Variants in KCNAB3 observed in about 807,000 individuals in gnomAD.
KCNAB3 encodes the protein voltage-gated potassium channel subunit beta-3.
A neutral mutation model predicts 67.7 loss-of-function variants in KCNAB3; 62 were observed. That is an observed-to-expected ratio of 0.92 (90% CI 0.75 to 1.13). KCNAB3 has a LOEUF of 1.13. KCNAB3 is among the 50% of genes most tolerant of loss of function. The pLI, the probability that KCNAB3 is intolerant of heterozygous loss-of-function variation, is 0.00. For synonymous variants in KCNAB3, 212 were observed against 205.4 expected (o/e 1.03, Z -0.27); for missense variants, 514 against 522.9 (o/e 0.98, Z 0.17).
intron 6 of KCNAB3, 26 bp downstream of exon 6, chr17:7,925,905 A>G (rs1279166788): frequency 1.3e-6 from 2 of 1,568,308 alleles, no homozygotes; most frequent in East Asian, 2.3e-5. Context: ...GGCCTTCTCC[A>G]CAATCGCAGT....
chr17:7,921,889 A>T lies in KCNAB3; in HGVS notation c.*1213T>A, dbSNP rs1262019183. ...CTAATATTACTTTAAATACAAACAA[A>T]TAAAGGCAGATAGCTAAGTCTTTCA... On this transcript the variant is annotated 3_prime_UTR_variant, in exon 14 of 14. Transcript: ENST00000303790. 6.6e-6 allele frequency: 1 copy of T among 152,192 alleles called. No individual in the cohort carries two copies. Among genetic ancestry groups the T allele is most frequent in the Non-Finnish European group, 1.5e-5 (1 of 68,038 alleles). The allele number at this position is 152,192 out of a possible 1,614,324, so 9.4% of individuals were successfully genotyped here. A position where few individuals can be genotyped will look rare whatever the true frequency, so the allele number is the denominator to read the frequency against.
In KCNAB3 at chr17:7,929,015, G is replaced by C; in HGVS notation, c.242+179C>G. On this transcript the variant is annotated intron_variant, in intron 1 of 13. Transcript: ENST00000303790. The surrounding 1 kb of genome is among the most constrained non-coding windows in gnomAD (Gnocchi z 5.7). ...TGGTAAACTTGATTCTCGTAGTCAG[G>C]GGTATCGACAGAAACCAAGAGAGGG... The C allele has an allele frequency of 1.0e-6, 1 of 969,910 alleles. No individual in the cohort carries two copies. Among genetic ancestry groups the C allele is most frequent in the Non-Finnish European group, 1.5e-6 (1 of 668,146 alleles). The allele number at this position is 969,910 out of a possible 1,614,324, so 60.1% of individuals were successfully genotyped here.
Position 7,929,478 on chromosome 17 carries a change from A to AGGGGG in KCNAB3, c.-48_-44dup, listed in dbSNP as rs1598040087. On this transcript the variant is annotated 5_prime_UTR_variant, in exon 1 of 14. Transcript: ENST00000303790. The surrounding 1 kb of genome is among the most constrained non-coding windows in gnomAD (Gnocchi z 5.7). The stretch of plus-strand genomic sequence containing the variant: ...GGGGAGGGGGCTCCGAGGGGACGGG[A>AGGGGG]GGGGGGAGCAGGGAAGCCCGAGGGC... The AGGGGG allele has an allele frequency of 1.5e-5, 16 of 1,097,124 alleles. No individual in the cohort carries two copies. The Admixed American group carries it at 3.2e-4, about 22-fold the overall frequency. 68.0% of individuals were successfully genotyped at this position (1,097,124 alleles called of 1,614,324 possible).
chr17:7,922,922 T>A lies in KCNAB3; in HGVS notation c.*180A>T. ...GTGCTACTTTCTCTCTCGACCCCAC[T>A]GCAAAAGGATATGGCTTTGTTCATG... On this transcript the variant is annotated 3_prime_UTR_variant, in exon 14 of 14. Coordinates refer to ENST00000303790, the MANE Select transcript of KCNAB3 (RefSeq NM_004732.4). 1.6e-6 allele frequency: 1 copy of A among 619,548 alleles called. No homozygotes were observed. The highest frequency in any genetic ancestry group is 2.9e-6 in the Non-Finnish European group (1 of 344,366). 38.4% of individuals were successfully genotyped at this position (619,548 alleles called of 1,614,324 possible).
At position 7,929,319 on chromosome 17, in the gene KCNAB3, C is replaced by T. The variant is rs377750813; in HGVS notation, c.117G>A (p.Gly39=). 1.0e-4 allele frequency: 158 copies of T among 1,554,150 alleles called. No individual in the cohort carries two copies. The African/African-American group carries it at 1.9e-3, about 18-fold the overall frequency. ...GGGNGGPAGG[G]HGNPPGGGGS... is the part of the protein sequence containing the mutation. ...CTCCACCCCCCGGAGGATTCCCGTGCCCCCCGCCGGCCGGCCCACCATTAC... is the reference window on the plus strand; with the variant it reads ...CTCCACCCCCCGGAGGATTCCCGTGTCCCCCGCCGGCCGGCCCACCATTAC... The change falls in exon 1 of 14, where the codon GGG becomes GGA. Residue 39 remains glycine, a synonymous_variant. Coordinates refer to ENST00000303790, the MANE Select transcript of KCNAB3 (RefSeq NM_004732.4). The surrounding 1 kb of genome is among the most constrained non-coding windows in gnomAD (Gnocchi z 5.7).
At chr17:7,927,045 G>A (rs1972255806) in intron 4 of KCNAB3, 3 of 369,486 alleles carry the variant, frequency 8.1e-6, no homozygotes, top group Non-Finnish European at 1.5e-5. Flanking sequence ...CCTGCTCCTA[G>A]TGTGAAACGG....
chr17:7,929,629 G>T lies in KCNAB3; in HGVS notation c.-194C>A, dbSNP rs1389171436. On this transcript the variant is annotated 5_prime_UTR_variant, in exon 1 of 14. Transcript: ENST00000303790. This position sits in a 1 kb window ranked among gnomAD's most constrained non-coding sequence, Gnocchi z 5.7. ...TGCTGGAGGTCGCGAGGTTTGCGGCGGGAGGGAAGAAACGTGGGGGGCGCC... is the reference window on the plus strand; with the variant it reads ...TGCTGGAGGTCGCGAGGTTTGCGGCTGGAGGGAAGAAACGTGGGGGGCGCC... 3 of 1,429,908 alleles carry T rather than the reference G, an allele frequency of 2.1e-6. No homozygotes were observed. The Admixed American group carries it at 8.8e-5, about 42-fold the overall frequency. 88.6% of individuals were successfully genotyped at this position (1,429,908 alleles called of 1,614,324 possible).
chr17:7,929,507 C>A lies in KCNAB3; in HGVS notation c.-72G>T. 6.5e-7 allele frequency: 1 copy of A among 1,529,020 alleles called. No homozygotes were observed. The highest frequency in any genetic ancestry group is 8.8e-7 in the Non-Finnish European group (1 of 1,139,498). The allele number at this position is 1,529,020 out of a possible 1,614,324, so 94.7% of individuals were successfully genotyped here. The stretch of plus-strand genomic sequence containing the variant: ...GGGAGCAGGGAAGCCCGAGGGCTGA[C>A]GACCGGGGGCGTAGTGGGGCGAACC... On this transcript the variant is annotated 5_prime_UTR_variant, in exon 1 of 14. Coordinates refer to ENST00000303790, the MANE Select transcript of KCNAB3 (RefSeq NM_004732.4). This position sits in a 1 kb window ranked among gnomAD's most constrained non-coding sequence, Gnocchi z 5.7.
Position 7,924,199 on chromosome 17 carries a change from G to A in KCNAB3, c.778C>T (p.Leu260=). ...ATCTCCACCTTCTCCCTCTGAAACAGATGGTGCTCCGCTTGTTCACACACT... is the reference window on the plus strand; with the variant it reads ...ATCTCCACCTTCTCCCTCTGAAACAAATGGTGCTCCGCTTGTTCACACACT... ...PPVCEQAEHH[L]FQREKVEMQL... Residue 260 remains leucine (L), a synonymous_variant, in exon 10 of 14, where the codon CTG becomes TTG. Coordinates refer to ENST00000303790, the MANE Select transcript of KCNAB3 (RefSeq NM_004732.4). 1 of 1,614,252 alleles carries A rather than the reference G, an allele frequency of 6.2e-7. No homozygotes were observed. The highest frequency in any genetic ancestry group is 1.7e-5 in the Admixed American group (1 of 60,026).
intron 4 of KCNAB3, 48 bp from the exon 5 acceptor site, chr17:7,926,151 A>G (rs758628176): frequency 1.1e-5 from 18 of 1,605,620 alleles, no homozygotes; most frequent in Non-Finnish European, 1.4e-5. Flanking sequence ...AGGCCAATCA[A>G]TTCCTTCCTC....
In KCNAB3 at chr17:7,927,961, A is replaced by G. The variant is rs1228156153; in HGVS notation, c.243-135T>C. On this transcript the variant is annotated intron_variant, in intron 1 of 13. Transcript: ENST00000303790. ...CAAAGAAATTAGACCCAGTGGGCCT[A>G]TAAGATTGGGCAAGTGCTATCTCCA... The G allele has an allele frequency of 3.9e-6, 4 of 1,036,410 alleles. No homozygotes were observed. The African/African-American group carries it at 6.4e-5, about 16-fold the overall frequency. 64.2% of individuals were successfully genotyped at this position (1,036,410 alleles called of 1,614,324 possible). A position where few individuals can be genotyped will look rare whatever the true frequency, so the allele number is the denominator to read the frequency against.
chr17:7,928,363 A>G (rs905279746), intron 1 of KCNAB3: 9 of 170,222 alleles, frequency 5.3e-5, no homozygotes, highest in Non-Finnish European at 7.6e-5. Flanking sequence ...GGGAGGGGGG[A>G]GAGTAAGACA....
chr17:7,924,615 AAGTT>A, intron 8 of KCNAB3, 115 bp from the exon 9 acceptor site: 2 of 1,440,788 alleles, frequency 1.4e-6, no homozygotes, highest in Non-Finnish European at 1.8e-6. Flanking sequence ...GGAGTCATGA[AAGTT>A]AATATCTACT....
intron 9 of KCNAB3, 21 bp from the exon 10 acceptor site, chr17:7,924,286 A>G (rs1270617542): frequency 1.2e-6 from 2 of 1,613,838 alleles, no homozygotes; most frequent in Non-Finnish European, 1.7e-6. Flanking sequence ...GTTGGGGAAA[A>G]GAAAGTGGTC....
At position 7,922,563 on chromosome 17, in the gene KCNAB3, G is replaced by A. The variant is rs1175683465; in HGVS notation, c.*539C>T. On this transcript the variant is annotated 3_prime_UTR_variant, in exon 14 of 14. Transcript: ENST00000303790. ...CTCCACCTCTGGGCTGGGAGGCAGG[G>A]TCCTGGTTTCCCAAAGATTATCATT... 6.3e-6 allele frequency: 1 copy of A among 158,510 alleles called. No individual in the cohort carries two copies. 9.8% of individuals were successfully genotyped at this position (158,510 alleles called of 1,614,324 possible).
Position 7,923,556 on chromosome 17 carries a change from G to A in KCNAB3, c.1049-12C>T, listed in dbSNP as rs1193953990. 6.3e-7 allele frequency: 1 copy of A among 1,593,698 alleles called. No individual in the cohort carries two copies. On this transcript the variant is annotated splice_polypyrimidine_tract_variant and intron_variant, in intron 12 of 13. Coordinates refer to ENST00000303790, the MANE Select transcript of KCNAB3 (RefSeq NM_004732.4). ...GCGGAGACACCACGCTGGGGCCAGA[G>A]GAGGAAAAAAAGAGGACTGATGGGG... is the stretch of plus-strand genomic sequence containing the variant.
chr17:7,926,348 G>A (rs1972231155), intron 4 of KCNAB3, among the ~76,000 whole-genome samples: 1 of 152,218 alleles, frequency 6.6e-6, no homozygotes, highest in Non-Finnish European at 1.5e-5. Flanking sequence ...TGCTGTGGGT[G>A]CCAAAAAGAT....
At chr17:7,926,908 A>G (rs1233505974) in intron 4 of KCNAB3, among the ~76,000 whole-genome samples, 3 of 151,580 alleles carry the variant, frequency 2.0e-5, no homozygotes, top group Non-Finnish European at 4.4e-5. Context: ...ATGGTGGGGG[A>G]GGGGGTGACC....
Position 7,929,833 on chromosome 17 carries a change from C to T in KCNAB3, c.-398G>A. 1.1e-5 allele frequency: 11 copies of T among 1,028,746 alleles called. No individual in the cohort carries two copies. In the Admixed American group the frequency reaches 1.7e-4, roughly 15 times the overall value. The allele number at this position is 1,028,746 out of a possible 1,614,324, so 63.7% of individuals were successfully genotyped here. On this transcript the variant is annotated 5_prime_UTR_variant, in exon 1 of 14. Transcript: ENST00000303790. The surrounding 1 kb of genome is among the most constrained non-coding windows in gnomAD (Gnocchi z 5.7). Reference sequence around the variant, plus strand: ...GCTGCGGGACCCGCTGGGCTCCCAGCCGCGTCGGCAGCGGGCCCAGCTCAT... The same window carrying T: ...GCTGCGGGACCCGCTGGGCTCCCAGTCGCGTCGGCAGCGGGCCCAGCTCAT...
Sources: gnomAD v4.1 joint callset for allele counts (sites outside exome capture counted in the v4.1 genomes callset) on GRCh38, gnomAD v4.1.1 for gene constraint, Gnocchi (gnomAD v3.1) non-coding constraint, MANE v1.5 for transcripts, NCBI Gene and HGNC (gene_info 2026-07-23, HGNC 2026-07-21) for gene names.